The following NEB variants were observed in gnomAD, a reference collection of about 807,000 sequenced individuals.
NEB encodes the protein nebulin.
A neutral mutation model predicts 952.2 loss-of-function variants in NEB; 512 were observed. The ratio of observed to expected loss-of-function variants is 0.54; its 90% CI spans 0.50 to 0.58. The LOEUF is 0.58. Among genes scored for constraint, NEB ranks in the 20% least tolerant of loss-of-function variants. NEB has a pLI of 0.00. For missense variants in NEB, 8,428 were observed against 9,231.1 expected (o/e 0.91, Z 3.56); for synonymous variants, 2,900 against 3,149.8 (o/e 0.92, Z 2.66).
rs2153982813 is a variant in NEB at position 151,612,192 on chromosome 2, C to T, written c.11799G>A (p.Met3933Ile). ...AAAACAGCTGGAGACTCACCTTGCT[C>T]ATTGTCAGGGCATTATTCTTTGCTA... The part of the protein sequence containing the change: ...IVLAKNNALT[M>I]SKHLYTEAWD... The change falls in exon 78 of 182, where the codon ATG becomes ATA. Residue 3933 changes from methionine (M) to isoleucine (I), a missense_variant. Coordinates refer to ENST00000397345, the MANE Select transcript of NEB (RefSeq NM_001164508.2). 6.2e-7 allele frequency: 1 copy of T among 1,613,220 alleles called. No homozygotes were observed. Among genetic ancestry groups the T allele is most frequent in the Non-Finnish European group, 8.5e-7 (1 of 1,179,406 alleles).
chr2:151,547,408 A>G (rs2094850456), intron 133 of NEB, 21 bp downstream of exon 133: 14 of 1,550,482 alleles, frequency 9.0e-6, no homozygotes, highest in Non-Finnish European at 1.1e-5. Flanking sequence ...TACTCCAGAA[A>G]GACCCCTACG....
At chr2:151,525,367 C>T (rs771865866) in intron 150 of NEB, 94 bp from the exon 151 acceptor site, 5 of 924,906 alleles carry the variant, frequency 5.4e-6, no homozygotes, top group African/African-American at 1.6e-5. Context: ...AAAATCCATG[C>T]TCCCCATTTT....
chr2:151,704,815 G>A (rs142095168), intron 13 of NEB, among the ~76,000 whole-genome samples: 29 of 152,280 alleles, frequency 1.9e-4, no homozygotes, highest in African/African-American at 6.0e-4. Context: ...GAAATCACCC[G>A]TCTTCTGCGT....
chr2:151,556,061 A>G (rs527410677), intron 124 of NEB, among the ~76,000 whole-genome samples: 4 of 152,308 alleles, frequency 2.6e-5, no homozygotes, highest in Admixed American at 2.6e-4. Context: ...TCTTATCTAT[A>G]GTACTTTTCT....
rs36105240 is a variant in NEB, at chr2:151,710,447, T to C, written c.914A>G (p.Asp305Gly). The C allele has an allele frequency of 1.7e-3, 2,760 of 1,611,260 alleles. 39 individuals are homozygous for C. In the East Asian group the frequency reaches 0.033, roughly 19 times the overall value. Residue 305 changes from aspartate (D) to glycine (G), a missense_variant, in exon 11 of 182, where the codon GAT becomes GGT. Around this residue, in one of 11 missense-constraint regions of NEB, gnomAD observed 2,851 missense variants for 2,791.5 expected, o/e 1.02. Coordinates refer to ENST00000397345, the MANE Select transcript of NEB (RefSeq NM_001164508.2). ...FEVANARMNADNISTRKYQED... is the reference protein window; with the variant it reads ...FEVANARMNAGNISTRKYQED... The stretch of plus-strand genomic sequence containing the variant: ...TTCCCACTTAACTGTGCTAATGTTA[T>C]CAGCATTCATTCTGGCATTTGCAAC...
rs773556106 is a variant in NEB at position 151,570,277 on chromosome 2, C to T, written c.17234G>A (p.Arg5745Gln). The change falls in exon 109 of 182, where the codon CGA becomes CAA. Residue 5745 changes from arginine (R) to glutamine (Q), a missense_variant. Transcript: ENST00000397345. ...TTTGGCCCAGTCCAGCCGGTACTCT[C>T]GTTCATTCTGGAGCTTGTCAGCTAT... ...ALIADKLQNEREYRLDWAKWK... is the reference protein window; with the variant it reads ...ALIADKLQNEQEYRLDWAKWK... 4 of 1,613,718 alleles carry T rather than the reference C, an allele frequency of 2.5e-6. No individual in the cohort carries two copies. Among genetic ancestry groups the T allele is most frequent in the South Asian group, 1.1e-5 (1 of 91,038 alleles).
chr2:151,493,635 TTTG>T (rs1354495511), intron 175 of NEB, 137 bp downstream of exon 175: 1 of 799,928 alleles, frequency 1.3e-6, no homozygotes, highest in Non-Finnish European at 1.9e-6. Flanking sequence ...GTGGGGTTGG[TTTG>T]TTGTTTTTAA....
Position 151,618,365 on chromosome 2 carries a change from G to A in NEB, c.10986C>T (p.Tyr3662=), listed in dbSNP as rs373365702. ...ATTTCAGCGTTTCTGGACGCTGACGGTAGATAGTATCACTAAGTAATTCTC... is the reference window on the plus strand; with the variant it reads ...ATTTCAGCGTTTCTGGACGCTGACGATAGATAGTATCACTAAGTAATTCTC... ...RAGELLSDTI[Y]RQRPETLKFT... is the part of the protein sequence containing the mutation. The change falls in exon 74 of 182, where the codon TAC becomes TAT. Residue 3662 remains tyrosine (Y), a synonymous_variant. Transcript: ENST00000397345. 120 of 1,613,846 alleles carry A rather than the reference G, an allele frequency of 7.4e-5. No individual in the cohort carries two copies. Among genetic ancestry groups the A allele is most frequent in the Admixed American group, 1.7e-4 (10 of 59,998 alleles).
chr2:151,726,690 A>G (rs2099791654), intron 5 of NEB, among the ~76,000 whole-genome samples: 1 of 152,114 alleles, frequency 6.6e-6, no homozygotes, highest in Non-Finnish European at 1.5e-5. Context: ...GTGATTCTCA[A>G]CCTGGGTACA....
intron 174 of NEB, 146 bp downstream of exon 174, chr2:151,494,015 T>C: frequency 1.1e-6 from 1 of 874,768 alleles, no homozygotes; most frequent in Middle Eastern, 2.3e-4. Flanking sequence ...AGTTAATGGC[T>C]ACAGTAAATG....
chr2:151,563,225 G>C (rs575965243), intron 119 of NEB, among the ~76,000 whole-genome samples: 16 of 152,062 alleles, frequency 1.1e-4, no homozygotes, highest in African/African-American at 3.9e-4. Flanking sequence ...ATGTTGGCCA[G>C]GCCAGTCTCG....
At position 151,565,042 on chromosome 2, in the gene NEB, A is replaced by C. The variant is rs1203384703; in HGVS notation, c.18471+2T>G. 1 of 1,512,496 alleles carries C rather than the reference A, an allele frequency of 6.6e-7. No homozygotes were observed. The highest frequency in any genetic ancestry group is 9.1e-7 in the Non-Finnish European group (1 of 1,095,680). 93.7% of individuals were successfully genotyped at this position (1,512,496 alleles called of 1,614,324 possible). A position where few individuals can be genotyped will look rare whatever the true frequency, so the allele number is the denominator to read the frequency against. ...GTGGTTATTACATAAAAGAGAACTT[A>C]CAGTACTGTAGAGTTTTCCCATGTC... On this transcript the variant is annotated splice_donor_variant, in intron 117 of 181. Coordinates refer to ENST00000397345, the MANE Select transcript of NEB (RefSeq NM_001164508.2). LOFTEE classifies it high-confidence loss of function.
At position 151,570,132 on chromosome 2, in the gene NEB, G is replaced by A. The variant is rs750950248; in HGVS notation, c.17379C>T (p.Pro5793=). The A allele has an allele frequency of 4.3e-6, 7 of 1,612,708 alleles. No individual in the cohort carries two copies. Among genetic ancestry groups the A allele is most frequent in the Admixed American group, 3.3e-5 (2 of 59,914 alleles). ...TGGCCTGAATCACATCGTTCTGGTC[G>A]GGCATGCAGGTCCACTGGTGCAGGT... The part of the protein sequence containing the change: ...RNYLHQWTCM[P]DQNDVIQAKK... Residue 5793 remains proline, a synonymous_variant, in exon 109 of 182, where the codon CCC becomes CCT. Transcript: ENST00000397345.
At chr2:151,693,722 A>C (rs564869163) in intron 20 of NEB, among the ~76,000 whole-genome samples, 7 of 152,258 alleles carry the variant, frequency 4.6e-5, no homozygotes, top group Non-Finnish European at 7.4e-5. Context: ...ATATGTGTTC[A>C]TATATATTTA....
chr2:151,643,157 A>G lies in NEB; in HGVS notation c.8153T>C (p.Met2718Thr). 6.2e-7 allele frequency: 1 copy of G among 1,611,606 alleles called. No homozygotes were observed. The change falls in exon 58 of 182, where the codon ATG (methionine) becomes ACG (threonine). Residue 2718 changes from methionine to threonine, a missense_variant. This residue lies in a region of NEB where 1,772 missense variants were observed against 1,960.3 expected (regional missense o/e 0.90). Transcript: ENST00000397345. ...AACAAACATAGGACTTACATGATTC[A>G]TGGTAATAGCATTGTTTTTTGCCAA... is the stretch of plus-strand genomic sequence containing the variant. ...MVLAKNNAITMNHRLYTEAWD... is the reference protein window; with the variant it reads ...MVLAKNNAITTNHRLYTEAWD...
chr2:151,567,066 C>T lies in NEB; in HGVS notation c.18156+102G>A, dbSNP rs546292006. 2.1e-5 allele frequency: 22 copies of T among 1,034,914 alleles called. No individual in the cohort carries two copies. In the East Asian group the frequency reaches 4.1e-4, roughly 19 times the overall value. The allele number at this position is 1,034,914 out of a possible 1,614,324, so 64.1% of individuals were successfully genotyped here. ...TTCCCTTTGGGAACAAATTAAATAT[C>T]GATGGCCTCAAATTTCAAGCACTTG... On this transcript the variant is annotated intron_variant, in intron 114 of 181. Transcript: ENST00000397345.
At chr2:151,522,168 A>C (rs1228815340) in intron 153 of NEB, among the ~76,000 whole-genome samples, 1 of 152,090 alleles carries the variant, frequency 6.6e-6, no homozygotes, top group African/African-American at 2.4e-5. Flanking sequence ...TATTTTTAGG[A>C]GTTTAATTGT....
In NEB at chr2:151,568,083, G is replaced by A. The variant is rs544453966; in HGVS notation, c.17832C>T (p.Asp5944=). The A allele has an allele frequency of 6.5e-5, 105 of 1,613,124 alleles. No individual in the cohort carries two copies. Among genetic ancestry groups the A allele is most frequent in the East Asian group, 4.0e-4 (18 of 44,834 alleles). Residue 5944 remains aspartate, a synonymous_variant, in exon 113 of 182, where the codon GAC becomes GAT. Transcript: ENST00000397345. The part of the protein sequence containing the change: ...VPFVHAHHCN[D]VQSELKYKAE... The stretch of plus-strand genomic sequence containing the variant: ...CAGGATGTATTACCTCACTCTGAAC[G>A]TCATTGCAGTGATGGGCATGAACAA...
chr2:151,517,624 C>T (rs949531392), intron 156 of NEB, among the ~76,000 whole-genome samples: 5 of 152,252 alleles, frequency 3.3e-5, no homozygotes, highest in African/African-American at 1.2e-4. Flanking sequence ...ATGGTATAGC[C>T]TACTACACAC....
Sources: gnomAD v4.1 joint callset for allele counts (sites outside exome capture counted in the v4.1 genomes callset) on GRCh38, gnomAD v4.1.1 for gene constraint, gnomAD v4.1.1 regional missense constraint, MANE v1.5 for transcripts, NCBI Gene and HGNC (gene_info 2026-07-23, HGNC 2026-07-21) for gene names.